ALK: variants seen among roughly 807,000 people sequenced by gnomAD.
ALK encodes the protein ALK receptor tyrosine kinase, also known as ALK tyrosine kinase receptor.
A neutral mutation model predicts 163.1 loss-of-function variants in ALK; 74 were observed. That is an observed-to-expected ratio of 0.45 (90% CI 0.38 to 0.55). ALK has a LOEUF of 0.55. Among genes scored for constraint, ALK ranks in the 20% least tolerant of loss-of-function variants. ALK has a pLI of 0.00. For missense variants in ALK, 2,063 were observed against 2,105.3 expected (o/e 0.98, Z 0.39); for synonymous variants, 960 against 843.2 (o/e 1.14, Z -2.40).
intron 11 of ALK, among the ~76,000 whole-genome samples, chr2:29,253,861 T>TAGAC (rs769318019): frequency 3.6e-5 from 5 of 140,722 alleles, no homozygotes; most frequent in Admixed American, 1.4e-4. Flanking sequence ...GATAGATAGA[T>TAGAC]AGATAGATAG....
At chr2:29,568,956 C>A (rs558371416) in intron 3 of ALK, among the ~76,000 whole-genome samples, 63 of 149,460 alleles carry the variant, frequency 4.2e-4, no homozygotes, top group Non-Finnish European at 7.0e-4. Flanking sequence ...GTCTCTCCAC[C>A]TTTTACCTTG....
intron 1 of ALK, among the ~76,000 whole-genome samples, chr2:29,752,534 G>A (rs1173905671): frequency 6.6e-6 from 1 of 151,510 alleles, no homozygotes; most frequent in Non-Finnish European, 1.5e-5. Context: ...ATTTTTAGTA[G>A]AGACGGGGTT....
In ALK at chr2:29,715,413, G is replaced by A. The variant is rs187955689; in HGVS notation, c.787+2165C>T. On this transcript the variant is annotated intron_variant, in intron 2 of 28. Coordinates refer to ENST00000389048, the MANE Select transcript of ALK (RefSeq NM_004304.5). ...AGAGATCTTGAAAAACCTCCAGATC[G>A]ATTCCTTTGCCCTAAGGTGGCATGC... Among the ~76,000 whole-genome samples the A allele has an allele frequency of 1.3e-3, 191 of 152,294 alleles. 3 individuals carry two copies. The highest frequency in any genetic ancestry group is 8.6e-3 in the Admixed American group (132 of 15,300).
At chr2:29,689,344 G>C (rs2631988) in intron 3 of ALK, among the ~76,000 whole-genome samples, 109,958 of 152,130 alleles carry the variant, frequency 0.72, 40,275 homozygotes, top group Non-Finnish European at 0.79. Context: ...TGCAAAGGAG[G>C]CTATATCCTG....
chr2:29,861,349 T>C (rs1451497321), intron 1 of ALK, among the ~76,000 whole-genome samples: 1 of 151,854 alleles, frequency 6.6e-6, no homozygotes, highest in East Asian at 1.9e-4. Flanking sequence ...AAAAGATCAA[T>C]GAAACTAAGA....
Position 29,227,733 on chromosome 2 carries a change from A to G in ALK, c.2816-61T>C. 2 of 1,350,020 alleles carry G rather than the reference A, an allele frequency of 1.5e-6. No homozygotes were observed. Among genetic ancestry groups the G allele is most frequent in the Non-Finnish European group, 2.1e-6 (2 of 941,210 alleles). 83.6% of individuals were successfully genotyped at this position (1,350,020 alleles called of 1,614,324 possible). On this transcript the variant is annotated intron_variant, in intron 16 of 28. Transcript: ENST00000389048. The surrounding 1 kb of genome is among the most constrained non-coding windows in gnomAD (Gnocchi z 4.4). Reference sequence around the variant, plus strand: ...GGTGGGTGCCAAAATCTTAACACACACACACGTCAGTGGGGCATGCAGCTC... The same window carrying G: ...GGTGGGTGCCAAAATCTTAACACACGCACACGTCAGTGGGGCATGCAGCTC...
chr2:29,196,346 G>A (rs1669022634), intron 28 of ALK, among the ~76,000 whole-genome samples: 1 of 152,174 alleles, frequency 6.6e-6, no homozygotes, highest in Admixed American at 6.5e-5. Flanking sequence ...GACATATATA[G>A]TTGGACATAT....
At chr2:29,445,828 G>A (rs990476037) in intron 4 of ALK, among the ~76,000 whole-genome samples, 2 of 151,442 alleles carry the variant, frequency 1.3e-5, no homozygotes, top group Non-Finnish European at 2.9e-5. Context: ...GGCCGGGCGC[G>A]GTGGCTCACG....
At chr2:29,241,417 G>T (rs542771339) in intron 12 of ALK, among the ~76,000 whole-genome samples, 1 of 152,024 alleles carries the variant, frequency 6.6e-6, no homozygotes, top group Non-Finnish European at 1.5e-5. Context: ...GCTCATGGGT[G>T]AAAGCCCCGG....
chr2:29,255,477 G>A (rs1472438341), intron 11 of ALK, among the ~76,000 whole-genome samples: 1 of 152,190 alleles, frequency 6.6e-6, no homozygotes, highest in Non-Finnish European at 1.5e-5. Context: ...ATTCTCAAGA[G>A]AATCTAATAC....
chr2:29,864,513 T>G (rs1666375775), intron 1 of ALK, among the ~76,000 whole-genome samples: 1 of 152,256 alleles, frequency 6.6e-6, no homozygotes, highest in South Asian at 2.1e-4. Flanking sequence ...TTTGAATGCA[T>G]GTTCCATGAT....
chr2:29,228,298 G>A (rs1214889728), intron 16 of ALK, among the ~76,000 whole-genome samples: 6 of 152,214 alleles, frequency 3.9e-5, no homozygotes, highest in Admixed American at 2.0e-4. Flanking sequence ...TGTGGGGAGC[G>A]GGGAGCCATC....
chr2:29,617,841 T>G (rs1254604158), intron 3 of ALK, among the ~76,000 whole-genome samples: 1 of 152,238 alleles, frequency 6.6e-6, no homozygotes, highest in Non-Finnish European at 1.5e-5. Flanking sequence ...CATGTGACTA[T>G]TGCCATCATC....
At chr2:29,258,068 G>A (rs1021118460) in intron 11 of ALK, among the ~76,000 whole-genome samples, 1 of 152,114 alleles carries the variant, frequency 6.6e-6, no homozygotes, top group Non-Finnish European at 1.5e-5. Flanking sequence ...TGAACTCATG[G>A]GCTCAAGTGA....
chr2:29,754,638 C>T (rs954827812), intron 1 of ALK, among the ~76,000 whole-genome samples: 1 of 151,938 alleles, frequency 6.6e-6, no homozygotes, highest in Non-Finnish European at 1.5e-5. Flanking sequence ...TGCAGTGAGC[C>T]ATGATCACAC....
intron 23 of ALK, among the ~76,000 whole-genome samples, chr2:29,216,989 TGTGAGGTGTGTGTGGTGTGTGC>T (rs1479278236): frequency 6.9e-6 from 1 of 144,260 alleles, no homozygotes; most frequent in African/African-American, 2.6e-5. Context: ...GTGTGTGGCA[TGTGAGGTGTGTGTGGTGTGTGC>T]GTGAGTGTAT....
chr2:29,856,092 G>A (rs1296903902), intron 1 of ALK, among the ~76,000 whole-genome samples: 1 of 152,116 alleles, frequency 6.6e-6, no homozygotes, highest in Non-Finnish European at 1.5e-5. Context: ...CCTGATTAAT[G>A]TATTGAGGTT....
At chr2:29,249,045 T>C (rs1664754822) in intron 12 of ALK, among the ~76,000 whole-genome samples, 2 of 152,190 alleles carry the variant, frequency 1.3e-5, no homozygotes, top group Admixed American at 6.5e-5. Context: ...CCAGGCACTA[T>C]ATGTCACCTT....
intron 3 of ALK, among the ~76,000 whole-genome samples, chr2:29,636,361 G>T (rs200779811): frequency 3.7e-4 from 8 of 21,804 alleles, no homozygotes; most frequent in Non-Finnish European, 1.4e-3. Flanking sequence ...GAAAAGAAAA[G>T]AAAAGAAAAG....
Sources: gnomAD v4.1 joint callset for allele counts (sites outside exome capture counted in the v4.1 genomes callset) on GRCh38, gnomAD v4.1.1 for gene constraint, Gnocchi (gnomAD v3.1) non-coding constraint, MANE v1.5 for transcripts, NCBI Gene and HGNC (gene_info 2026-07-23, HGNC 2026-07-21) for gene names.